Variants in FAM135B observed in about 807,000 individuals in gnomAD.
The protein encoded by FAM135B is family with sequence similarity 135 member B, also known as protein FAM135B.
A neutral mutation model predicts 127.7 loss-of-function variants in FAM135B; 43 were observed. The ratio of observed to expected loss-of-function variants is 0.34; its 90% CI spans 0.26 to 0.43. The LOEUF is 0.43. Ranked by LOEUF, FAM135B falls within the 20% of genes least tolerant of loss-of-function variation. The pLI, the probability that FAM135B is intolerant of heterozygous loss-of-function variation, is 1.00. For synonymous variants in FAM135B, 670 were observed against 665.1 expected (o/e 1.01, Z -0.11); for missense variants, 1,558 against 1,725.6 (o/e 0.90, Z 1.72).
chr8:138,201,407 A>G (rs1317384776), intron 7 of FAM135B, among the ~76,000 whole-genome samples: 2 of 152,234 alleles, frequency 1.3e-5, no homozygotes, highest in Non-Finnish European at 2.9e-5. Context: ...AATAATAATA[A>G]GTCAAAATGC....
At chr8:138,420,284 T>C (rs564390696) in intron 1 of FAM135B, among the ~76,000 whole-genome samples, 1 of 151,814 alleles carries the variant, frequency 6.6e-6, no homozygotes, top group Admixed American at 6.6e-5. Flanking sequence ...ACATAAAATT[T>C]CCCAAAACTG....
chr8:138,270,884 G>T (rs1823324646), intron 3 of FAM135B, among the ~76,000 whole-genome samples: 2 of 152,232 alleles, frequency 1.3e-5, no homozygotes, highest in African/African-American at 4.8e-5. Context: ...GGAGCTCAGG[G>T]TGGAGGCCCT....
intron 1 of FAM135B, among the ~76,000 whole-genome samples, chr8:138,401,789 G>A (rs896053727): frequency 3.3e-5 from 5 of 152,046 alleles, no homozygotes; most frequent in Admixed American, 6.5e-5. Context: ...ACCACTCCTG[G>A]GTAATACATT....
chr8:138,221,738 T>C (rs1819037072), intron 7 of FAM135B, among the ~76,000 whole-genome samples: 1 of 152,234 alleles, frequency 6.6e-6, no homozygotes, highest in Non-Finnish European at 1.5e-5. Context: ...AAAGCTGCTC[T>C]GATCCCACCG....
intron 1 of FAM135B, among the ~76,000 whole-genome samples, chr8:138,434,964 T>A (rs952929657): frequency 8.5e-5 from 13 of 152,228 alleles, no homozygotes; most frequent in Non-Finnish European, 1.5e-4. Flanking sequence ...GCACATTACC[T>A]GCTCCACTAT....
At chr8:138,429,663 A>G (rs1415216397) in intron 1 of FAM135B, among the ~76,000 whole-genome samples, 1 of 152,206 alleles carries the variant, frequency 6.6e-6, no homozygotes, top group Non-Finnish European at 1.5e-5. Context: ...CAAATCCAAT[A>G]TGATGACTGT....
At chr8:138,163,490 T>C (rs1819605562) in intron 12 of FAM135B, among the ~76,000 whole-genome samples, 1 of 152,164 alleles carries the variant, frequency 6.6e-6, no homozygotes, top group Admixed American at 6.5e-5. Flanking sequence ...GGGAGGGACC[T>C]GGTGGGACTT....
chr8:138,231,451 C>A (rs556415842), intron 7 of FAM135B, among the ~76,000 whole-genome samples: 1 of 152,152 alleles, frequency 6.6e-6, no homozygotes, highest in Non-Finnish European at 1.5e-5. Context: ...CATATCAGTG[C>A]AAAATAAATG....
At chr8:138,309,758 T>A (rs1181524695) in intron 3 of FAM135B, among the ~76,000 whole-genome samples, 1 of 152,162 alleles carries the variant, frequency 6.6e-6, no homozygotes, top group Non-Finnish European at 1.5e-5. Flanking sequence ...TTCTACAACA[T>A]TCTTGGCTAC....
intron 2 of FAM135B, among the ~76,000 whole-genome samples, chr8:138,364,073 T>C (rs2680745): frequency 0.51 from 78,229 of 152,106 alleles, 22,009 homozygotes; most frequent in Non-Finnish European, 0.65. Context: ...AGAAGACCAT[T>C]TGCTTTTCTT....
chr8:138,132,491 G>A lies in FAM135B; in HGVS notation c.*102C>T, dbSNP rs1337860644. ...ACCCGAGCCTCCGTCCCCCAATGCT[G>A]TTGAAGCTTCATTCTGAAATGGTGA... is the stretch of plus-strand genomic sequence containing the variant. On this transcript the variant is annotated 3_prime_UTR_variant, in exon 20 of 20. Coordinates refer to ENST00000395297, the MANE Select transcript of FAM135B (RefSeq NM_015912.4). This position sits in a 1 kb window ranked among gnomAD's most constrained non-coding sequence, Gnocchi z 4.5. 4.0e-6 allele frequency: 4 copies of A among 994,812 alleles called. No individual in the cohort carries two copies. Among genetic ancestry groups the A allele is most frequent in the East Asian group, 2.4e-5 (1 of 41,786 alleles). 61.6% of individuals were successfully genotyped at this position (994,812 alleles called of 1,614,324 possible).
chr8:138,484,419 T>A (rs1242160606), intron 1 of FAM135B, among the ~76,000 whole-genome samples: 1 of 152,234 alleles, frequency 6.6e-6, no homozygotes, highest in Non-Finnish European at 1.5e-5. Flanking sequence ...ATATCTACAG[T>A]GCAGCCGGGA....
intron 7 of FAM135B, among the ~76,000 whole-genome samples, chr8:138,230,658 A>G (rs78403904): frequency 6.9e-4 from 105 of 152,272 alleles, no homozygotes; most frequent in African/African-American, 2.5e-3. Flanking sequence ...TCCTTCTAGG[A>G]GACTGTTCAC....
At position 138,496,674 on chromosome 8, in the gene FAM135B, T is replaced by A. The variant is rs2131706008; in HGVS notation, c.-23A>T. The A allele has an allele frequency of 6.6e-6, 1 of 152,228 alleles. No individual in the cohort carries two copies. Among genetic ancestry groups the A allele is most frequent in the Non-Finnish European group, 1.5e-5 (1 of 68,112 alleles). The allele number at this position is 152,228 out of a possible 1,614,324, so 9.4% of individuals were successfully genotyped here. ...ACCCCGAAGCGCTCTCACCTACCTG[T>A]CTCCACTGCAGGGCTCCCCTCTCTC... On this transcript the variant is annotated 5_prime_UTR_variant, in exon 1 of 20. Coordinates refer to ENST00000395297, the MANE Select transcript of FAM135B (RefSeq NM_015912.4).
At position 138,298,420 on chromosome 8, in the gene FAM135B, A is replaced by G. The variant is rs183972920; in HGVS notation, c.157+12421T>C. Among the ~76,000 whole-genome samples, 30 of 152,362 alleles carry G rather than the reference A, an allele frequency of 2.0e-4. No individual in the cohort carries two copies. In the East Asian group the frequency reaches 4.2e-3, roughly 22 times the overall value. The stretch of plus-strand genomic sequence containing the variant: ...GACATTTGAGCAAAGACCTGAATTA[A>G]TTAAGGAAACAAGCTAGACAAAGAT... On this transcript the variant is annotated intron_variant, in intron 3 of 19. Coordinates refer to ENST00000395297, the MANE Select transcript of FAM135B (RefSeq NM_015912.4).
At chr8:138,365,548 AT>A (rs1168333470) in intron 2 of FAM135B, among the ~76,000 whole-genome samples, 1 of 152,204 alleles carries the variant, frequency 6.6e-6, no homozygotes, top group Non-Finnish European at 1.5e-5. Context: ...TTATTGTTAG[AT>A]AGATTAGCTT....
At chr8:138,455,150 A>G (rs1390371646) in intron 1 of FAM135B, among the ~76,000 whole-genome samples, 2 of 152,232 alleles carry the variant, frequency 1.3e-5, no homozygotes, top group Non-Finnish European at 2.9e-5. Context: ...GATTGCTTCA[A>G]ATCCAACAAA....
At chr8:138,296,156 C>T (rs1825467725) in intron 3 of FAM135B, among the ~76,000 whole-genome samples, 2 of 152,192 alleles carry the variant, frequency 1.3e-5, no homozygotes, top group African/African-American at 4.8e-5. Flanking sequence ...GTCTTTTCCT[C>T]TTAATTCTCT....
chr8:138,471,475 G>A (rs1452870934), intron 1 of FAM135B, among the ~76,000 whole-genome samples: 1 of 152,124 alleles, frequency 6.6e-6, no homozygotes, highest in African/African-American at 2.4e-5. Flanking sequence ...GTGATAGTAA[G>A]GTGACACAGG....
Sources: allele counts gnomAD v4.1 joint callset (sites outside exome capture counted in the v4.1 genomes callset), GRCh38; gene constraint gnomAD v4.1.1; non-coding constraint Gnocchi (gnomAD v3.1); transcripts MANE v1.5; gene names NCBI Gene and HGNC (gene_info 2026-07-23, HGNC 2026-07-21).